The following USP14 variants were observed in gnomAD, a reference collection of about 807,000 sequenced individuals.
USP14 encodes the protein ubiquitin carboxyl-terminal hydrolase 14.
USP14 carries 38 observed loss-of-function variants against 76.5 expected under a neutral mutation model. That is an observed-to-expected ratio of 0.50 (90% CI 0.38 to 0.65). The LOEUF (loss-of-function observed/expected upper bound fraction) is 0.65. Ranked by LOEUF, USP14 falls within the 30% of genes least tolerant of loss-of-function variation. The pLI is 0.00. For missense variants in USP14, 467 were observed against 586.5 expected, an observed-to-expected ratio of 0.80 and a Z score of 2.10; for synonymous variants, 192 against 191.7, an observed-to-expected ratio of 1.00 and a Z score of -0.01.
At chr18:202,025 T>TA (rs1323390735) in intron 10 of USP14, among the ~76,000 whole-genome samples, 9 of 152,230 alleles carry the variant, frequency 5.9e-5, no homozygotes, top group African/African-American at 1.9e-4. Context: ...TTAGTAATTT[T>TA]AAAAAATCAG....
At chr18:210,825 T>TA (rs1203814680) in intron 15 of USP14, among the ~76,000 whole-genome samples, 1 of 152,246 alleles carries the variant, frequency 6.6e-6, no homozygotes, top group Non-Finnish European at 1.5e-5. Flanking sequence ...GTTCTCCTGT[T>TA]AGTGTTCGCA....
intron 3 of USP14, among the ~76,000 whole-genome samples, chr18:168,305 T>TG (rs1283309938): frequency 6.6e-6 from 1 of 152,220 alleles, no homozygotes. Context: ...AGTTGTGTTT[T>TG]GGGCAGATTC....
chr18:167,162 T>A (rs1017309511), intron 3 of USP14, among the ~76,000 whole-genome samples: 1 of 151,968 alleles, frequency 6.6e-6, no homozygotes, highest in Non-Finnish European at 1.5e-5. Flanking sequence ...GGTGGGAGGC[T>A]GAGGCGGGAG....
intron 3 of USP14, among the ~76,000 whole-genome samples, chr18:168,045 C>A (rs1909327850): frequency 6.8e-6 from 1 of 146,886 alleles, no homozygotes; most frequent in African/African-American, 2.5e-5. Context: ...TAAAGCAATT[C>A]TCTTGCCTGA....
chr18:196,221 G>A (rs1346271974), intron 6 of USP14, among the ~76,000 whole-genome samples: 39 of 152,004 alleles, frequency 2.6e-4, no homozygotes, highest in Non-Finnish European at 1.5e-4. Flanking sequence ...CTACTCGGGA[G>A]GCCCTTCTGT....
chr18:203,073 A>T lies in USP14; in HGVS notation c.943-25A>T, dbSNP rs189905210. 4.1e-4 allele frequency: 664 copies of T among 1,611,266 alleles called. 2 individuals are homozygous for T. In the African/African-American group the frequency reaches 7.2e-3, roughly 17 times the overall value. On this transcript the variant is annotated intron_variant, in intron 11 of 15. Coordinates refer to ENST00000261601, the MANE Select transcript of USP14 (RefSeq NM_005151.4). The stretch of plus-strand genomic sequence containing the variant: ...TTGTATGGTATTTTGATGTAATGGG[A>T]TTTCTTTACATTTTGTCTCCTCAGT...
intron 5 of USP14, among the ~76,000 whole-genome samples, chr18:183,839 G>T (rs1247126669): frequency 2.0e-5 from 3 of 151,170 alleles, no homozygotes; most frequent in Admixed American, 1.3e-4. Flanking sequence ...AAGGTTGTGT[G>T]CTCATATCAT....
intron 1 of USP14, among the ~76,000 whole-genome samples, chr18:159,971 G>T (rs1009490923): frequency 6.6e-6 from 1 of 152,182 alleles, no homozygotes; most frequent in African/African-American, 2.4e-5. Context: ...AAAATGAAGA[G>T]AACATTTTAA....
At position 205,845 on chromosome 18, in the gene USP14, G is replaced by C. The variant is rs1910515136; in HGVS notation, c.1164+1153G>C. On this transcript the variant is annotated intron_variant, in intron 13 of 15. Coordinates refer to ENST00000261601, the MANE Select transcript of USP14 (RefSeq NM_005151.4). ...TTTTTAATATAACCTTTCTCACTCA[G>C]CATAATTCTCTGGCGACTCATCCAG... 2.0e-5 allele frequency among the ~76,000 whole-genome samples: 3 copies of C among 152,146 alleles called. No homozygotes were observed. In the South Asian group the frequency reaches 6.2e-4, roughly 32 times the overall value.
chr18:209,566 G>C (rs1339288156), intron 13 of USP14, among the ~76,000 whole-genome samples: 2 of 152,174 alleles, frequency 1.3e-5, no homozygotes. Context: ...AATACAAATT[G>C]CAGGAATTCT....
At chr18:199,594 A>AC (rs1384884713) in intron 10 of USP14, among the ~76,000 whole-genome samples, 5 of 151,764 alleles carry the variant, frequency 3.3e-5, no homozygotes, top group Non-Finnish European at 7.4e-5. Flanking sequence ...GTTTAAGATG[A>AC]CCCCCCAAGC....
Position 158,581 on chromosome 18 carries a change from C to A in USP14, c.-118C>A. The A allele has an allele frequency of 9.1e-7, 1 of 1,099,350 alleles. No individual in the cohort carries two copies. The highest frequency in any genetic ancestry group is 1.3e-6 in the Non-Finnish European group (1 of 786,754). 68.1% of individuals were successfully genotyped at this position (1,099,350 alleles called of 1,614,324 possible). On this transcript the variant is annotated 5_prime_UTR_variant, in exon 1 of 16. Transcript: ENST00000261601. The stretch of plus-strand genomic sequence containing the variant: ...TGAATGAGACTCGTCGCACCGAAGC[C>A]GCCGCCACCACCGCGCCTCCGCCTC...
chr18:184,630 CATG>C (rs1909878617), intron 5 of USP14, among the ~76,000 whole-genome samples: 1 of 152,062 alleles, frequency 6.6e-6, no homozygotes, highest in Non-Finnish European at 1.5e-5. Flanking sequence ...ATTAGCCAGG[CATG>C]GTGGTGTGTG....
At chr18:178,170 C>T (rs1235872150) in intron 3 of USP14, among the ~76,000 whole-genome samples, 1 of 152,114 alleles carries the variant, frequency 6.6e-6, no homozygotes, top group Non-Finnish European at 1.5e-5. Context: ...CAGGCATGCA[C>T]CCCTATGCCC....
chr18:169,092 A>G (rs1481824189), intron 3 of USP14, among the ~76,000 whole-genome samples: 4 of 146,746 alleles, frequency 2.7e-5, no homozygotes, highest in Admixed American at 1.4e-4. Flanking sequence ...AAAAAAAGTG[A>G]TAAGAGTGGA....
intron 3 of USP14, among the ~76,000 whole-genome samples, chr18:167,437 T>C (rs1281015695): frequency 6.6e-6 from 1 of 152,240 alleles, no homozygotes; most frequent in Non-Finnish European, 1.5e-5. Flanking sequence ...GAATATGATG[T>C]ACTTCCTTAT....
intron 8 of USP14, 103 bp downstream of exon 8, chr18:197,799 A>G: frequency 1.1e-6 from 1 of 876,326 alleles, no homozygotes; most frequent in Non-Finnish European, 1.7e-6. Context: ...TCTTATAGGT[A>G]GATGTGTATT....
intron 8 of USP14, 133 bp downstream of exon 8, chr18:197,829 A>C (rs561314335): frequency 8.3e-6 from 6 of 719,764 alleles, no homozygotes; most frequent in Non-Finnish European, 8.7e-6. Flanking sequence ...TAGATGCTCA[A>C]TCTGTAGTCA....
chr18:167,466 T>G (rs184906222), intron 3 of USP14, among the ~76,000 whole-genome samples: 154 of 152,300 alleles, frequency 1.0e-3, no homozygotes, highest in Non-Finnish European at 1.7e-3. Context: ...GTCTCTGTTT[T>G]TCTCTTAGCA....
Sources: gnomAD v4.1 joint callset for allele counts (sites outside exome capture counted in the v4.1 genomes callset) on GRCh38, gnomAD v4.1.1 for gene constraint, MANE v1.5 for transcripts, NCBI Gene and HGNC (gene_info 2026-07-23, HGNC 2026-07-21) for gene names.